Variants in HNRNPM observed in about 807,000 individuals in gnomAD.
HNRNPM encodes CEA receptor.
In HNRNPM, 11 loss-of-function variants were observed where a neutral mutation model predicts 73.1. The observed-to-expected ratio is 0.15, with a 90% CI of 0.09 to 0.25. HNRNPM has a LOEUF of 0.25. Ranked by LOEUF, HNRNPM falls within the 10% of genes least tolerant of loss-of-function variation. The pLI is 1.00. For missense variants in HNRNPM, 789 were observed against 1,067.9 expected (o/e 0.74, Z 3.64); for synonymous variants, 407 against 355.2 (o/e 1.15, Z -1.64).
At chr19:8,457,005 C>T (rs1009310758) in intron 2 of HNRNPM, among the ~76,000 whole-genome samples, 3 of 152,148 alleles carry the variant, frequency 2.0e-5, no homozygotes, top group Non-Finnish European at 2.9e-5. Context: ...GGGCCTCATT[C>T]GAATTAGCTT....
At chr19:8,451,305 G>C (rs1208463628) in intron 1 of HNRNPM, among the ~76,000 whole-genome samples, 1 of 151,964 alleles carries the variant, frequency 6.6e-6, no homozygotes, top group Non-Finnish European at 1.5e-5. Context: ...GGCCCCCCAA[G>C]GTGTTGGGAT....
intron 5 of HNRNPM, among the ~76,000 whole-genome samples, chr19:8,464,766 TGACAG>T (rs770898398): frequency 3.9e-5 from 6 of 152,122 alleles, no homozygotes; most frequent in African/African-American, 7.2e-5. Context: ...TGGTGGTAAT[TGACAG>T]GACAGAGAGT....
intron 2 of HNRNPM, among the ~76,000 whole-genome samples, 191 bp downstream of exon 2, chr19:8,455,765 T>C (rs1023998367): frequency 1.3e-5 from 2 of 151,722 alleles, no homozygotes; most frequent in African/African-American, 4.8e-5. Flanking sequence ...TGTTTTGTTT[T>C]GTTTTGTGGT....
At position 8,485,725 on chromosome 19, in the gene HNRNPM, G is replaced by A. The variant is rs1323427555; in HGVS notation, c.1297G>A (p.Glu433Lys). The part of the protein sequence containing the change: ...LGHGMDRVGS[E>K]IERMGLVMDR... ...CCACGGCATGGATCGCGTGGGCTCC[G>A]AGATCGAGCGCATGGGCCTGGTCAT... Residue 433 changes from glutamate (E) to lysine (K), a missense_variant, in exon 14 of 16, where the codon GAG (glutamate) becomes AAG (lysine). This residue lies in a region of HNRNPM where 604 missense variants were observed against 744.0 expected (regional missense o/e 0.81). Coordinates refer to ENST00000325495, the MANE Select transcript of HNRNPM (RefSeq NM_005968.5). 5.6e-6 allele frequency: 9 copies of A among 1,606,386 alleles called. No homozygotes were observed. The highest frequency in any genetic ancestry group is 2.2e-5 in the South Asian group (2 of 91,044).
chr19:8,476,430 G>T (rs1970510240), intron 12 of HNRNPM, among the ~76,000 whole-genome samples: 1 of 152,182 alleles, frequency 6.6e-6, no homozygotes. Flanking sequence ...TGCTGGTCAT[G>T]CAGGTTCCCA....
At chr19:8,480,467 C>T (rs1970834588) in intron 12 of HNRNPM, among the ~76,000 whole-genome samples, 1 of 151,612 alleles carries the variant, frequency 6.6e-6, no homozygotes, top group Non-Finnish European at 1.5e-5. Context: ...GAGTTTGAGA[C>T]CAGCCTGGCC....
chr19:8,486,875 A>T (rs560546579), intron 14 of HNRNPM, 149 bp from the exon 15 acceptor site: 2 of 721,670 alleles, frequency 2.8e-6, no homozygotes, highest in Admixed American at 3.8e-5. Flanking sequence ...ACATGTATCT[A>T]TTAGTTTCCT....
chr19:8,445,844 C>G (rs1334750031), intron 1 of HNRNPM, among the ~76,000 whole-genome samples: 3 of 152,244 alleles, frequency 2.0e-5, no homozygotes, highest in Admixed American at 6.5e-5. Flanking sequence ...CAGACAGATA[C>G]GAAGTCGGGG....
chr19:8,452,879 C>T (rs1374978610), intron 1 of HNRNPM, among the ~76,000 whole-genome samples: 5 of 152,116 alleles, frequency 3.3e-5, no homozygotes, highest in African/African-American at 1.2e-4. Flanking sequence ...CTTGCTTTGT[C>T]AACCAGGCTG....
Position 8,486,062 on chromosome 19 carries a change from G to GCCCCGTGATGGATCGCATGGC in HNRNPM, c.1636_1656dup (p.Pro546_Ala552dup). 1 of 1,606,456 alleles carries GCCCCGTGATGGATCGCATGGC rather than the reference G, an allele frequency of 6.2e-7. No homozygotes were observed. The highest frequency in any genetic ancestry group is 8.5e-7 in the Non-Finnish European group (1 of 1,179,634). Reference sequence around the variant, plus strand: ...ATGGGAGCTGGCCTGGAGCGCATGGGCCCCGTGATGGATCGCATGGCCACC... The same window carrying GCCCCGTGATGGATCGCATGGC: ...ATGGGAGCTGGCCTGGAGCGCATGGGCCCCGTGATGGATCGCATGGCCCCCGTGATGGATCGCATGGCCACC... On this transcript the variant is annotated inframe_insertion, in exon 14 of 16. Transcript: ENST00000325495.
At chr19:8,487,119 T>C (rs567768622) in intron 15 of HNRNPM, 44 bp downstream of exon 15, 5 of 1,545,382 alleles carry the variant, frequency 3.2e-6, no homozygotes, top group South Asian at 2.2e-5. Context: ...CTCGTGCTTG[T>C]TGGTGACGCA....
intron 8 of HNRNPM, among the ~76,000 whole-genome samples, chr19:8,468,289 G>C (rs1349594418): frequency 2.0e-5 from 3 of 152,202 alleles, no homozygotes; most frequent in African/African-American, 7.2e-5. Context: ...TTAAAGGTCT[G>C]TTGGAGCACT....
chr19:8,480,686 A>G (rs1266146727), intron 12 of HNRNPM, among the ~76,000 whole-genome samples: 1 of 151,036 alleles, frequency 6.6e-6, no homozygotes, highest in African/African-American at 2.4e-5. Context: ...AAAAAAAGGC[A>G]TCTTTACTTC....
intron 1 of HNRNPM, chr19:8,445,625 A>G (rs536051108): frequency 6.6e-6 from 1 of 152,494 alleles, no homozygotes; most frequent in African/African-American, 2.4e-5. Context: ...AGGGCCGCGA[A>G]GCCGGGTCGG....
chr19:8,481,157 G>GTA, intron 12 of HNRNPM, among the ~76,000 whole-genome samples: 1 of 152,200 alleles, frequency 6.6e-6, no homozygotes, highest in African/African-American at 2.4e-5. Flanking sequence ...TGTGCAAACA[G>GTA]CTGTACTTGC....
intron 2 of HNRNPM, among the ~76,000 whole-genome samples, chr19:8,461,699 A>T (rs1279630718): frequency 6.6e-6 from 1 of 152,174 alleles, no homozygotes. Flanking sequence ...TAGATACAAA[A>T]TCTGAGCCCT....
At position 8,462,279 on chromosome 19, in the gene HNRNPM, G is replaced by C; in HGVS notation, c.284-250G>C. The C allele has an allele frequency of 2.2e-6, 1 of 463,060 alleles. No individual in the cohort carries two copies. The highest frequency in any genetic ancestry group is 3.4e-5 in the East Asian group (1 of 29,108). 28.7% of individuals were successfully genotyped at this position (463,060 alleles called of 1,614,324 possible). On this transcript the variant is annotated intron_variant, in intron 2 of 15. Coordinates refer to ENST00000325495, the MANE Select transcript of HNRNPM (RefSeq NM_005968.5). This position sits in a 1 kb window ranked among gnomAD's most constrained non-coding sequence, Gnocchi z 4.5. ...AATGAGTCTTCCAGACAGGGAAATT[G>C]ATACGGAAATCTGTGGAATAGCTTG...
At chr19:8,452,229 A>G (rs1323387177) in intron 1 of HNRNPM, among the ~76,000 whole-genome samples, 2 of 152,214 alleles carry the variant, frequency 1.3e-5, no homozygotes, top group African/African-American at 4.8e-5. Context: ...TTCGTAGTTT[A>G]TAGGTGAGCT....
At chr19:8,445,813 C>G (rs185478575) in intron 1 of HNRNPM, among the ~76,000 whole-genome samples, 2 of 152,256 alleles carry the variant, frequency 1.3e-5, no homozygotes, top group Non-Finnish European at 2.9e-5. Flanking sequence ...GGATCTGCTG[C>G]TTAGCGTTCA....
Sources: allele counts gnomAD v4.1 joint callset (sites outside exome capture counted in the v4.1 genomes callset), GRCh38; gene constraint gnomAD v4.1.1; regional missense constraint gnomAD v4.1.1; non-coding constraint Gnocchi (gnomAD v3.1); transcripts MANE v1.5; gene names NCBI Gene and HGNC (gene_info 2026-07-23, HGNC 2026-07-21).